Variants in LTBP1 observed in about 807,000 individuals in gnomAD.
The protein encoded by LTBP1 is latent-transforming growth factor beta-binding protein 1.
Under a neutral mutation model 207.6 loss-of-function variants are expected in LTBP1, and 129 were observed. The ratio of observed to expected loss-of-function variants is 0.62; its 90% CI spans 0.54 to 0.72. The LOEUF (loss-of-function observed/expected upper bound fraction) is 0.72, where lower values mean the gene tolerates loss of function less well. LTBP1 is among the 30% of genes least tolerant of loss of function. The pLI is 0.00. For missense variants in LTBP1, 2,281 were observed against 2,217.2 expected, an observed-to-expected ratio of 1.03 and a Z score of -0.58; for synonymous variants, 963 against 833.7, an observed-to-expected ratio of 1.16 and a Z score of -2.67.
intron 31 of LTBP1, among the ~76,000 whole-genome samples, chr2:33,378,193 G>A (rs1027515733): frequency 2.8e-5 from 3 of 105,490 alleles, no homozygotes; most frequent in Admixed American, 1.8e-4. Context: ...ATATGTGTGT[G>A]TGTGTGTGTG....
chr2:33,244,036 C>T (rs79624811), intron 10 of LTBP1, among the ~76,000 whole-genome samples: 4,272 of 151,990 alleles, frequency 0.028, 224 homozygotes, highest in African/African-American at 0.097. Context: ...CTAAGCACAC[C>T]GAGGAAATAT....
At chr2:33,231,716 CAT>C (rs1443404592) in intron 9 of LTBP1, among the ~76,000 whole-genome samples, 1 of 152,046 alleles carries the variant, frequency 6.6e-6, no homozygotes, top group Non-Finnish European at 1.5e-5. Context: ...TGTCTTGTAG[CAT>C]AGTGCTGGAT....
chr2:33,384,153 C>T (rs1207317333), intron 31 of LTBP1, among the ~76,000 whole-genome samples: 2 of 152,170 alleles, frequency 1.3e-5, no homozygotes, highest in African/African-American at 4.8e-5. Context: ...TTGCTGCCAA[C>T]AGCAGGGGCC....
intron 2 of LTBP1, among the ~76,000 whole-genome samples, chr2:33,010,409 G>A (rs539742464): frequency 8.9e-4 from 136 of 152,262 alleles, no homozygotes; most frequent in African/African-American, 3.2e-3. Flanking sequence ...TGGTTAATGA[G>A]CACAAACATA....
At chr2:33,201,879 C>A (rs913482734) in intron 7 of LTBP1, among the ~76,000 whole-genome samples, 1 of 152,022 alleles carries the variant, frequency 6.6e-6, no homozygotes, top group African/African-American at 2.4e-5. Flanking sequence ...GTTAGAGATG[C>A]CAGAAGTTGT....
intron 7 of LTBP1, among the ~76,000 whole-genome samples, chr2:33,199,238 G>C (rs1454816449): frequency 6.6e-6 from 1 of 152,080 alleles, no homozygotes; most frequent in East Asian, 1.9e-4. Context: ...CTGAGTTCTA[G>C]TTTGATTGCA....
intron 5 of LTBP1, among the ~76,000 whole-genome samples, chr2:33,143,852 C>G (rs565291486): frequency 6.7e-6 from 1 of 149,360 alleles, no homozygotes; most frequent in African/African-American, 2.5e-5. Flanking sequence ...ACTTGGTTGT[C>G]TAGCTTCAGG....
chr2:33,184,232 C>T (rs1408225040), intron 5 of LTBP1, among the ~76,000 whole-genome samples: 1 of 152,200 alleles, frequency 6.6e-6, no homozygotes, highest in Non-Finnish European at 1.5e-5. Context: ...CTGGAACACT[C>T]TTGCAGCTTT....
At chr2:33,091,221 G>A (rs2079071226) in intron 3 of LTBP1, among the ~76,000 whole-genome samples, 2 of 152,170 alleles carry the variant, frequency 1.3e-5, no homozygotes, top group Non-Finnish European at 2.9e-5. Context: ...GTCGTGGGGA[G>A]TGTGTCATCT....
At chr2:33,080,987 G>A (rs2078359538) in intron 3 of LTBP1, among the ~76,000 whole-genome samples, 1 of 152,166 alleles carries the variant, frequency 6.6e-6, no homozygotes, top group South Asian at 2.1e-4. Context: ...TTTGACATGG[G>A]AGCTTTCAGA....
At chr2:33,067,544 C>T (rs2077574652) in intron 3 of LTBP1, among the ~76,000 whole-genome samples, 1 of 152,166 alleles carries the variant, frequency 6.6e-6, no homozygotes, top group East Asian at 1.9e-4. Context: ...TTGAATCAAA[C>T]ATATCTGGGA....
intron 5 of LTBP1, among the ~76,000 whole-genome samples, chr2:33,174,957 T>G (rs2085873612): frequency 6.6e-6 from 1 of 151,808 alleles, no homozygotes; most frequent in African/African-American, 2.4e-5. Flanking sequence ...TAGCCATATG[T>G]AGAAAGCTGA....
chr2:33,243,122 G>A (rs116318087), intron 9 of LTBP1, among the ~76,000 whole-genome samples: 7 of 152,164 alleles, frequency 4.6e-5, no homozygotes, highest in Non-Finnish European at 8.8e-5. Context: ...CCAGACATCA[G>A]CACTCTAAAG....
At chr2:33,365,079 T>C (rs979427364) in intron 30 of LTBP1, among the ~76,000 whole-genome samples, 1 of 152,182 alleles carries the variant, frequency 6.6e-6, no homozygotes, top group African/African-American at 2.4e-5. Flanking sequence ...GGGCATTTTA[T>C]ATAAAAGTAG....
intron 2 of LTBP1, among the ~76,000 whole-genome samples, chr2:32,953,164 T>C (rs1677454361): frequency 6.6e-6 from 1 of 152,188 alleles, no homozygotes. Context: ...TTTCCTTAAA[T>C]TATATGCAAA....
chr2:33,251,545 G>A (rs1218394966), intron 10 of LTBP1, among the ~76,000 whole-genome samples: 11 of 151,714 alleles, frequency 7.3e-5, no homozygotes. Context: ...GGTGCCTGTA[G>A]TCCCACCTAC....
intron 31 of LTBP1, among the ~76,000 whole-genome samples, chr2:33,371,854 C>T (rs905707960): frequency 2.0e-5 from 3 of 152,202 alleles, no homozygotes; most frequent in Non-Finnish European, 4.4e-5. Context: ...AAATAAACAA[C>T]TCATAAGTTT....
rs949254943 is a variant in LTBP1, at chr2:33,361,918, T to G, written c.4270+403T>G. ...TAAATTTGACCACTGTTTGTCTTTA[T>G]GGTCATCAACAAAGCTAAGGTTCTT... On this transcript the variant is annotated intron_variant, in intron 28 of 33. Coordinates refer to ENST00000404816, the MANE Select transcript of LTBP1 (RefSeq NM_206943.4). Among the ~76,000 whole-genome samples the G allele has an allele frequency of 3.3e-5, 5 of 152,334 alleles. 1 individual carries two copies. Among genetic ancestry groups the G allele is most frequent in the Admixed American group, 2.6e-4 (4 of 15,300 alleles).
intron 7 of LTBP1, among the ~76,000 whole-genome samples, chr2:33,191,383 A>G (rs1038838457): frequency 6.6e-5 from 10 of 152,224 alleles, no homozygotes; most frequent in African/African-American, 1.7e-4. Flanking sequence ...AAAAGATCCA[A>G]ACAGTGATCT....
Sources: allele counts gnomAD v4.1 joint callset (sites outside exome capture counted in the v4.1 genomes callset), GRCh38; gene constraint gnomAD v4.1.1; transcripts MANE v1.5; gene names NCBI Gene and HGNC (gene_info 2026-07-23, HGNC 2026-07-21).